The following ATF7IP2 variants were observed in gnomAD, a reference collection of about 807,000 sequenced individuals.
ATF7IP2 encodes the protein activating transcription factor 7 interacting protein 2.
A neutral mutation model predicts 64.2 loss-of-function variants in ATF7IP2; 42 were observed. The ratio of observed to expected loss-of-function variants is 0.65; its 90% CI spans 0.51 to 0.85. ATF7IP2 has a LOEUF of 0.85. ATF7IP2 is among the 40% of genes least tolerant of loss of function. The pLI, the probability that ATF7IP2 is intolerant of heterozygous loss-of-function variation, is 0.00. For synonymous variants in ATF7IP2, 308 were observed against 272.8 expected, an observed-to-expected ratio of 1.13 and a Z score of -1.27; for missense variants, 933 against 784.2, an observed-to-expected ratio of 1.19 and a Z score of -2.27.
At chr16:10,431,687 A>G (rs187466066) in intron 5 of ATF7IP2, among the ~76,000 whole-genome samples, 9 of 152,332 alleles carry the variant, frequency 5.9e-5, no homozygotes, top group Admixed American at 4.6e-4. Flanking sequence ...CTTAAGTACA[A>G]AATATCAAAA....
chr16:10,475,722 G>GGAAAAAAAAA (rs2049979660), intron 12 of ATF7IP2, among the ~76,000 whole-genome samples: 1 of 41,644 alleles, frequency 2.4e-5, no homozygotes, highest in Admixed American at 3.0e-4. Flanking sequence ...TAAGAAGCCA[G>GGAAAAAAAAA]AAAAAAAAAA....
rs552638654 is a variant in ATF7IP2 at position 10,434,866 on chromosome 16, C to T, written c.960+1217C>T. 1.7e-4 allele frequency among the ~76,000 whole-genome samples: 26 copies of T among 152,250 alleles called. No individual in the cohort carries two copies. The South Asian group carries it at 4.1e-3, about 24-fold the overall frequency. ...AGACTGGAGTGCAGTGGCACAGTCT[C>T]GGCTCAGTGCTACCTCCACCTCCTG... is the stretch of plus-strand genomic sequence containing the variant. On this transcript the variant is annotated intron_variant, in intron 6 of 13. Transcript: ENST00000562102.
chr16:10,417,977 G>A (rs1395028014), intron 2 of ATF7IP2, among the ~76,000 whole-genome samples: 1 of 152,226 alleles, frequency 6.6e-6, no homozygotes, highest in Non-Finnish European at 1.5e-5. Flanking sequence ...CTAACCCAGT[G>A]GCACTAGAGG....
At chr16:10,467,450 G>GTATTTTTC (rs2049618570) in intron 9 of ATF7IP2, among the ~76,000 whole-genome samples, 1 of 151,940 alleles carries the variant, frequency 6.6e-6, no homozygotes, top group Non-Finnish European at 1.5e-5. Context: ...TTTTCTTACA[G>GTATTTTTC]ATTAGCAATG....
chr16:10,436,277 A>G (rs548190796), intron 6 of ATF7IP2, among the ~76,000 whole-genome samples: 1 of 152,264 alleles, frequency 6.6e-6, no homozygotes, highest in East Asian at 1.9e-4. Context: ...CAGGAAAATC[A>G]CTTAAACATG....
At chr16:10,471,929 G>T (rs925882746) in intron 9 of ATF7IP2, 181 bp from the exon 10 acceptor site, 2 of 410,294 alleles carry the variant, frequency 4.9e-6, no homozygotes, top group African/African-American at 2.0e-5. Flanking sequence ...GTCATATAAC[G>T]GAACTGGTAA....
chr16:10,409,047 C>T (rs2047699574), intron 1 of ATF7IP2, among the ~76,000 whole-genome samples: 2 of 152,216 alleles, frequency 1.3e-5, no homozygotes, highest in Admixed American at 6.5e-5. Flanking sequence ...CACAAGAGCA[C>T]ACTGAACAAA....
chr16:10,452,836 A>G (rs2049029709), intron 8 of ATF7IP2, among the ~76,000 whole-genome samples: 1 of 152,152 alleles, frequency 6.6e-6, no homozygotes, highest in South Asian at 2.1e-4. Context: ...GCCGAGCTGC[A>G]GTGGGCTCGG....
chr16:10,416,613 C>T (rs113964437), intron 2 of ATF7IP2, among the ~76,000 whole-genome samples: 3 of 152,028 alleles, frequency 2.0e-5, no homozygotes, highest in Admixed American at 6.5e-5. Flanking sequence ...GCCAACATGG[C>T]GAAACTGCCT....
chr16:10,390,219 G>GA (rs1488800672), intron 1 of ATF7IP2, among the ~76,000 whole-genome samples: 2 of 151,992 alleles, frequency 1.3e-5, no homozygotes, highest in African/African-American at 4.8e-5. Flanking sequence ...AATGAAGCAG[G>GA]AAAAAACCCA....
intron 8 of ATF7IP2, among the ~76,000 whole-genome samples, chr16:10,441,843 G>A (rs1481065126): frequency 6.6e-6 from 1 of 152,108 alleles, no homozygotes; most frequent in African/African-American, 2.4e-5. Flanking sequence ...GTATGTTATT[G>A]CCTATGTTAG....
chr16:10,418,205 C>T (rs1394446380), intron 2 of ATF7IP2, among the ~76,000 whole-genome samples: 1 of 152,252 alleles, frequency 6.6e-6, no homozygotes, highest in African/African-American at 2.4e-5. Flanking sequence ...CCTTAAGGCA[C>T]AGACACTCAT....
chr16:10,434,796 T>TTTTG (rs111612267), intron 6 of ATF7IP2, among the ~76,000 whole-genome samples: 4,101 of 152,078 alleles, frequency 0.027, 105 homozygotes, highest in African/African-American at 0.069. Context: ...AGAAGTAAGT[T>TTTTG]TTTGTTTGTT....
chr16:10,438,472 C>G (rs900736235), intron 7 of ATF7IP2, among the ~76,000 whole-genome samples: 15 of 151,072 alleles, frequency 9.9e-5, no homozygotes, highest in Non-Finnish European at 1.5e-4. Flanking sequence ...ATGCTTCCCT[C>G]AAACTCCTGA....
intron 12 of ATF7IP2, among the ~76,000 whole-genome samples, chr16:10,480,499 G>T (rs1003133749): frequency 6.6e-6 from 1 of 151,730 alleles, no homozygotes; most frequent in Non-Finnish European, 1.5e-5. Flanking sequence ...CAACCCACAT[G>T]ATTTTTAGTT....
At chr16:10,460,960 G>A (rs985837601) in intron 9 of ATF7IP2, among the ~76,000 whole-genome samples, 7 of 152,068 alleles carry the variant, frequency 4.6e-5, no homozygotes, top group Admixed American at 6.5e-5. Flanking sequence ...GACTAGTAAC[G>A]CAGAATATAT....
At chr16:10,458,958 G>C (rs1253354211) in intron 9 of ATF7IP2, among the ~76,000 whole-genome samples, 4 of 152,140 alleles carry the variant, frequency 2.6e-5, no homozygotes, top group Admixed American at 2.0e-4. Context: ...GGCTGAGGCA[G>C]GTGGATCACT....
Position 10,438,976 on chromosome 16 carries a change from C to T in ATF7IP2, c.1095+741C>T, listed in dbSNP as rs534442703. Among the ~76,000 whole-genome samples the T allele has an allele frequency of 2.1e-3, 299 of 141,706 alleles. 2 individuals carry two copies. The highest frequency in any genetic ancestry group is 7.7e-3 in the African/African-American group (289 of 37,728). 93.0% of individuals were successfully genotyped at this position (141,706 alleles called of 152,430 possible). On this transcript the variant is annotated intron_variant, in intron 7 of 13. Transcript: ENST00000562102. ...GCTGAGGCAGGAGAATTGCTTGAAC[C>T]AAGGAGGCAGATATTGCAGTGAGCA...
At chr16:10,477,874 G>A (rs576719081) in intron 12 of ATF7IP2, among the ~76,000 whole-genome samples, 1 of 150,758 alleles carries the variant, frequency 6.6e-6, no homozygotes, top group Non-Finnish European at 1.5e-5. Context: ...CAAACAGAGA[G>A]CCAAATCATG....
Sources: allele counts gnomAD v4.1 joint callset (sites outside exome capture counted in the v4.1 genomes callset), GRCh38; gene constraint gnomAD v4.1.1; transcripts MANE v1.5; gene names NCBI Gene and HGNC (gene_info 2026-07-23, HGNC 2026-07-21).